VWC2: variants seen among roughly 807,000 people sequenced by gnomAD.
VWC2 encodes von Willebrand factor C domain containing 2.
A neutral mutation model predicts 29.8 loss-of-function variants in VWC2; 14 were observed. The ratio of observed to expected loss-of-function variants is 0.47; its 90% CI spans 0.31 to 0.74. The LOEUF (loss-of-function observed/expected upper bound fraction) is 0.74. Ranked by LOEUF, VWC2 falls within the 30% of genes least tolerant of loss-of-function variation. VWC2 has a pLI of 0.05. For missense variants in VWC2, 457 were observed against 459.8 expected (o/e 0.99, Z 0.05); for synonymous variants, 213 against 199.0 (o/e 1.07, Z -0.59).
At chr7:49,911,112 A>G (rs1793396620) in intron 3 of VWC2, among the ~76,000 whole-genome samples, 1 of 152,160 alleles carries the variant, frequency 6.6e-6, no homozygotes. Context: ...AGTATTTAGA[A>G]TTAATTAAAC....
chr7:49,804,137 G>A (rs1322595980), intron 3 of VWC2, among the ~76,000 whole-genome samples: 1 of 151,614 alleles, frequency 6.6e-6, no homozygotes, highest in African/African-American at 2.4e-5. Context: ...AGACAAGAAC[G>A]AGGGGGACTT....
chr7:49,780,789 AG>A (rs1788156281), intron 2 of VWC2, among the ~76,000 whole-genome samples: 1 of 152,242 alleles, frequency 6.6e-6, no homozygotes, highest in Non-Finnish European at 1.5e-5. Flanking sequence ...GATAACAGGA[AG>A]GGGTACTTGG....
chr7:49,804,152 C>T (rs1473907006), intron 3 of VWC2, among the ~76,000 whole-genome samples: 6 of 150,064 alleles, frequency 4.0e-5, no homozygotes, highest in Non-Finnish European at 7.4e-5. Context: ...GGACTTTGAG[C>T]ATGGAGTGTG....
intron 3 of VWC2, among the ~76,000 whole-genome samples, chr7:49,902,493 T>C (rs1792812731): frequency 1.3e-5 from 2 of 151,832 alleles, no homozygotes; most frequent in African/African-American, 4.8e-5. Flanking sequence ...GGGTAGTTTT[T>C]TGTTTGTTTG....
chr7:49,905,263 TATC>T (rs1301840722), intron 3 of VWC2, among the ~76,000 whole-genome samples: 1 of 152,210 alleles, frequency 6.6e-6, no homozygotes, highest in African/African-American at 2.4e-5. Context: ...AGACAGTACT[TATC>T]ATGAGAGTAC....
intron 3 of VWC2, 131 bp downstream of exon 3, chr7:49,802,971 C>T: frequency 8.6e-7 from 1 of 1,158,042 alleles, no homozygotes; most frequent in Non-Finnish European, 1.2e-6. Context: ...CATGCGTACA[C>T]ACGTGTGTAA....
In VWC2 at chr7:49,794,055, C is replaced by A. The variant is rs1248289279; in HGVS notation, c.697-8656C>A. 3.9e-5 allele frequency among the ~76,000 whole-genome samples: 6 copies of A among 152,328 alleles called. No individual in the cohort carries two copies. In the East Asian group the frequency reaches 1.2e-3, roughly 29 times the overall value. ...CTAAGCAGAGCTGGCTGTAGAGTTTCTTTGAATGCCTCCTCCCAGAGAGAC... is the reference window on the plus strand; with the variant it reads ...CTAAGCAGAGCTGGCTGTAGAGTTTATTTGAATGCCTCCTCCCAGAGAGAC... On this transcript the variant is annotated intron_variant, in intron 2 of 3. Coordinates refer to ENST00000340652, the MANE Select transcript of VWC2 (RefSeq NM_198570.5).
At chr7:49,847,201 G>A (rs971928814) in intron 3 of VWC2, among the ~76,000 whole-genome samples, 1 of 149,820 alleles carries the variant, frequency 6.7e-6, no homozygotes, top group Admixed American at 6.7e-5. Context: ...ACACAAAAAT[G>A]TGTGAACCTA....
At chr7:49,783,617 T>TA (rs1788226626) in intron 2 of VWC2, among the ~76,000 whole-genome samples, 1 of 152,176 alleles carries the variant, frequency 6.6e-6, no homozygotes, top group Non-Finnish European at 1.5e-5. Flanking sequence ...CTCATTCTAT[T>TA]TCTGTCGGGC....
intron 3 of VWC2, among the ~76,000 whole-genome samples, chr7:49,851,266 C>T (rs1790169167): frequency 6.6e-6 from 1 of 152,128 alleles, no homozygotes; most frequent in African/African-American, 2.4e-5. Flanking sequence ...TTGGGTAATC[C>T]AGGATGATCT....
intron 3 of VWC2, among the ~76,000 whole-genome samples, chr7:49,815,479 C>A (rs1245397436): frequency 1.3e-5 from 2 of 152,138 alleles, no homozygotes; most frequent in Non-Finnish European, 2.9e-5. Flanking sequence ...TTTATTATAA[C>A]ATTGCCAACC....
In VWC2 at chr7:49,920,229, C is replaced by T. The variant is rs1267555088; in HGVS notation, c.*8044C>T. ...AAGAAGTATGACTAAAAAACTCAAA[C>T]ATTTTAATACACGATGAATCCTTTT... On this transcript the variant is annotated 3_prime_UTR_variant, in exon 4 of 4. Transcript: ENST00000340652. 6.6e-6 allele frequency: 1 copy of T among 151,982 alleles called. No homozygotes were observed. Among genetic ancestry groups the T allele is most frequent in the Non-Finnish European group, 1.5e-5 (1 of 67,958 alleles). The allele number at this position is 151,982 out of a possible 1,614,324, so 9.4% of individuals were successfully genotyped here. A position where few individuals can be genotyped will look rare whatever the true frequency, so the allele number is the denominator to read the frequency against.
chr7:49,838,612 C>T (rs933034301), intron 3 of VWC2, among the ~76,000 whole-genome samples: 6 of 151,908 alleles, frequency 3.9e-5, no homozygotes, highest in Admixed American at 1.3e-4. Flanking sequence ...CTTGAGTAGA[C>T]GATGCCCTTG....
At position 49,919,608 on chromosome 7, in the gene VWC2, A is replaced by G. The variant is rs543153945; in HGVS notation, c.*7423A>G. The G allele has an allele frequency of 2.6e-5, 4 of 152,326 alleles. No individual in the cohort carries two copies. Among genetic ancestry groups the G allele is most frequent in the Non-Finnish European group, 5.9e-5 (4 of 68,030 alleles). The allele number at this position is 152,326 out of a possible 1,614,324, so 9.4% of individuals were successfully genotyped here. On this transcript the variant is annotated 3_prime_UTR_variant, in exon 4 of 4. Transcript: ENST00000340652. The stretch of plus-strand genomic sequence containing the variant: ...TTAATTTAATATAGATTAATTATAA[A>G]AATAATCTACCCATGTTACATAATG...
intron 3 of VWC2, among the ~76,000 whole-genome samples, chr7:49,854,972 A>G (rs1283000656): frequency 6.6e-6 from 1 of 152,238 alleles, no homozygotes; most frequent in Non-Finnish European, 1.5e-5. Context: ...GGCTTTTGTC[A>G]TAAGAGTAGT....
intron 3 of VWC2, among the ~76,000 whole-genome samples, chr7:49,906,131 C>T (rs1240686410): frequency 6.6e-6 from 1 of 152,154 alleles, no homozygotes; most frequent in Non-Finnish European, 1.5e-5. Context: ...TTCTTTATTC[C>T]TTCACTTTCT....
chr7:49,798,269 T>C (rs1788644057), intron 2 of VWC2, among the ~76,000 whole-genome samples: 2 of 152,206 alleles, frequency 1.3e-5, no homozygotes, highest in Non-Finnish European at 1.5e-5. Flanking sequence ...GGCAAATCTT[T>C]CACCTCACTC....
intron 2 of VWC2, among the ~76,000 whole-genome samples, chr7:49,801,291 G>A (rs982633373): frequency 6.6e-6 from 1 of 152,206 alleles, no homozygotes; most frequent in Non-Finnish European, 1.5e-5. Flanking sequence ...CTCAACTGGG[G>A]TCTCCCTGCC....
intron 3 of VWC2, among the ~76,000 whole-genome samples, chr7:49,863,964 T>C (rs1364764090): frequency 6.6e-6 from 1 of 152,238 alleles, no homozygotes; most frequent in East Asian, 1.9e-4. Context: ...ATTTTTTCTT[T>C]ATTTTGTTTT....
Sources: allele counts gnomAD v4.1 joint callset (sites outside exome capture counted in the v4.1 genomes callset), GRCh38; gene constraint gnomAD v4.1.1; transcripts MANE v1.5; gene names NCBI Gene and HGNC (gene_info 2026-07-23, HGNC 2026-07-21).